Variants in PCDHA10 observed in about 807,000 individuals in gnomAD.
PCDHA10 encodes protocadherin alpha 10, also known as protocadherin alpha-10.
PCDHA10 carries 45 observed loss-of-function variants against 61.2 expected under a neutral mutation model. That is an observed-to-expected ratio of 0.74 (90% CI 0.58 to 0.94). The LOEUF (loss-of-function observed/expected upper bound fraction) is 0.94. Among genes scored for constraint, PCDHA10 ranks in the 40% least tolerant of loss-of-function variants. The pLI is 0.00. For synonymous variants in PCDHA10, 602 were observed against 548.8 expected (o/e 1.10, Z -1.35); for missense variants, 1,278 against 1,236.2 (o/e 1.03, Z -0.51).
chr5:141,010,205 G>A lies in PCDHA10; in HGVS notation c.*268G>A, dbSNP rs1554262753. On this transcript the variant is annotated 3_prime_UTR_variant, in exon 4 of 4. Transcript: ENST00000307360. ...ACCCAAGTTTCCTTTCTCCTCCGCC[G>A]CAAAGGAGAGGCTTCCCAGCCCCGC... 4 of 1,551,732 alleles carry A rather than the reference G, an allele frequency of 2.6e-6. No homozygotes were observed. Among genetic ancestry groups the A allele is most frequent in the African/African-American group, 1.4e-5 (1 of 73,014 alleles).
At chr5:140,970,554 G>A (rs72802985) in intron 1 of PCDHA10, among the ~76,000 whole-genome samples, 7,177 of 152,136 alleles carry the variant, frequency 0.047, 194 homozygotes, top group Non-Finnish European at 0.062. Context: ...TTGTGTGTTC[G>A]TCTCCATATG....
rs782037850 is a variant in PCDHA10 at position 140,857,563 on chromosome 5, C to A, written c.1515C>A (p.Ser505Arg). 2 of 1,596,904 alleles carry A rather than the reference C, an allele frequency of 1.3e-6. No homozygotes were observed. The highest frequency in any genetic ancestry group is 8.6e-7 in the Non-Finnish European group (1 of 1,167,712). ...GGTTGGGCGAGCGCTCGCTGTCGAG[C>A]TACGTGTCGGTGCACGCGGAGAGCG... ...ERRLGERSLS[S>R]YVSVHAESGK... is the part of the protein sequence containing the mutation. Residue 505 changes from serine (S) to arginine (R), a missense_variant, in exon 1 of 4, where the codon AGC becomes AGA. Ser to Arg is a moderately radical substitution (Grantham distance 110, BLOSUM62 -1). Coordinates refer to ENST00000307360, the MANE Select transcript of PCDHA10 (RefSeq NM_018901.4).
chr5:140,877,233 G>A (rs1554169499), intron 1 of PCDHA10: 2 of 1,613,676 alleles, frequency 1.2e-6, no homozygotes, highest in Non-Finnish European at 8.5e-7. Flanking sequence ...CGGTGGGTGC[G>A]GGCCACGTGG....
intron 1 of PCDHA10, among the ~76,000 whole-genome samples, chr5:140,906,130 C>T (rs1554192409): frequency 6.6e-6 from 1 of 152,112 alleles, no homozygotes; most frequent in African/African-American, 2.4e-5. Flanking sequence ...AAATGTTAGT[C>T]TCCTTTGATA....
intron 1 of PCDHA10, among the ~76,000 whole-genome samples, chr5:140,931,204 A>G (rs782790968): frequency 7.2e-5 from 11 of 152,176 alleles, no homozygotes; most frequent in Non-Finnish European, 1.5e-4. Context: ...CAATGCTAGT[A>G]TTTCAGGTAT....
chr5:140,967,565 C>A, intron 1 of PCDHA10: 1 of 1,614,080 alleles, frequency 6.2e-7, no homozygotes, highest in Non-Finnish European at 8.5e-7. Context: ...CGTCCAGCTA[C>A]GGGAGGACTC....
intron 1 of PCDHA10, among the ~76,000 whole-genome samples, chr5:140,899,097 T>A (rs1160754058): frequency 2.0e-5 from 3 of 151,826 alleles, no homozygotes; most frequent in Non-Finnish European, 4.4e-5. Flanking sequence ...TGGGCTGAGA[T>A]AATGGGGTTT....
chr5:140,872,265 T>G (rs2053570965), intron 1 of PCDHA10, among the ~76,000 whole-genome samples: 1 of 152,164 alleles, frequency 6.6e-6, no homozygotes, highest in South Asian at 2.1e-4. Context: ...TGTTTTCATA[T>G]TGTTTGAAGA....
chr5:140,982,661 T>C, intron 3 of PCDHA10, 98 bp downstream of exon 3: 1 of 1,482,624 alleles, frequency 6.7e-7, no homozygotes, highest in Admixed American at 2.6e-5. Flanking sequence ...TCTTTTTCTT[T>C]TATATTTTTG....
chr5:140,932,710 C>T (rs2088563538), intron 1 of PCDHA10, among the ~76,000 whole-genome samples: 1 of 151,522 alleles, frequency 6.6e-6, no homozygotes, highest in African/African-American at 2.4e-5. Context: ...ATAGACAACA[C>T]AATAATATTG....
intron 1 of PCDHA10, among the ~76,000 whole-genome samples, chr5:140,943,364 C>T (rs1463652865): frequency 6.6e-6 from 1 of 150,620 alleles, no homozygotes; most frequent in Non-Finnish European, 1.5e-5. Context: ...GAAAGGAGAT[C>T]ATTAAAATAT....
At chr5:140,876,262 C>T (rs1554168436) in intron 1 of PCDHA10, 2 of 1,614,012 alleles carry the variant, frequency 1.2e-6, no homozygotes, top group South Asian at 2.2e-5. Context: ...AGTGATCCAA[C>T]TAAATGCTTC....
chr5:140,895,044 C>T (rs964599264), intron 1 of PCDHA10, among the ~76,000 whole-genome samples: 24 of 152,112 alleles, frequency 1.6e-4, no homozygotes, highest in Non-Finnish European at 2.2e-4. Flanking sequence ...CCACCCACAC[C>T]ATTCTGCTTC....
chr5:140,876,699 G>T (rs782209543), intron 1 of PCDHA10: 1 of 1,614,228 alleles, frequency 6.2e-7, no homozygotes. Context: ...CGTTGGTGCT[G>T]GACAGCGCCC....
At chr5:140,948,563 A>AT (rs1400147953) in intron 1 of PCDHA10, among the ~76,000 whole-genome samples, 1 of 151,546 alleles carries the variant, frequency 6.6e-6, no homozygotes, top group African/African-American at 2.4e-5. Flanking sequence ...GTTAAGTTGT[A>AT]TTTTTTAAAG....
intron 1 of PCDHA10, among the ~76,000 whole-genome samples, chr5:140,911,201 C>G: frequency 6.6e-6 from 1 of 152,110 alleles, no homozygotes; most frequent in Non-Finnish European, 1.5e-5. Context: ...GACATGTTGC[C>G]ACTACTGGGG....
At chr5:140,943,356 A>G (rs965090658) in intron 1 of PCDHA10, among the ~76,000 whole-genome samples, 2 of 152,014 alleles carry the variant, frequency 1.3e-5, no homozygotes, top group Non-Finnish European at 2.9e-5. Flanking sequence ...GAGTAGAGGA[A>G]AGGAGATCAT....
rs2086150778 is a variant in PCDHA10, at chr5:140,929,428, G to C, written c.2389-49521G>C. ...AGCCTTTCACAACATTTCATCAATT[G>C]AACTAAACACTCCTTCTTAGCACTT... On this transcript the variant is annotated intron_variant, in intron 1 of 3. Coordinates refer to ENST00000307360, the MANE Select transcript of PCDHA10 (RefSeq NM_018901.4). 4 of 1,491,484 alleles carry C rather than the reference G, an allele frequency of 2.7e-6. No homozygotes were observed. The East Asian group carries it at 6.9e-5, about 26-fold the overall frequency. 92.4% of individuals were successfully genotyped at this position (1,491,484 alleles called of 1,614,324 possible). A position where few individuals can be genotyped will look rare whatever the true frequency, so the allele number is the denominator to read the frequency against.
intron 1 of PCDHA10, among the ~76,000 whole-genome samples, chr5:140,950,852 A>G (rs1172997648): frequency 6.6e-6 from 1 of 151,856 alleles, no homozygotes; most frequent in Non-Finnish European, 1.5e-5. Flanking sequence ...CATTTCTTTC[A>G]TATTCTTGTA....
Sources: allele counts gnomAD v4.1 joint callset (sites outside exome capture counted in the v4.1 genomes callset), GRCh38; gene constraint gnomAD v4.1.1; transcripts MANE v1.5; gene names NCBI Gene and HGNC (gene_info 2026-07-23, HGNC 2026-07-21).